ZDHHC3: variants seen among roughly 807,000 people sequenced by gnomAD.
ZDHHC3 encodes palmitoyltransferase ZDHHC3.
ZDHHC3 carries 9 observed loss-of-function variants against 30.6 expected under a neutral mutation model. The ratio of observed to expected loss-of-function variants is 0.29; its 90% confidence interval spans 0.18 to 0.51. The LOEUF is 0.51. Ranked by LOEUF, ZDHHC3 falls within the 20% of genes least tolerant of loss-of-function variation. The pLI, the probability that ZDHHC3 is intolerant of heterozygous loss-of-function variation, is 0.97. For synonymous variants in ZDHHC3, 136 were observed against 140.2 expected (o/e 0.97, Z 0.21); for missense variants, 246 against 384.2 (o/e 0.64, Z 3.01).
At position 44,919,824 on chromosome 3, in the gene ZDHHC3, G is replaced by GT. The variant is rs1462118336; in HGVS notation, c.*6864dup. On this transcript the variant is annotated 3_prime_UTR_variant, in exon 7 of 7. Coordinates refer to ENST00000424952, the MANE Select transcript of ZDHHC3 (RefSeq NM_001135179.2). ...TTTGTACTGTTTTTGTCACATTTTT[G>GT]TAAGTCTGATTTCACAAAAAGTTTA... is the stretch of plus-strand genomic sequence containing the variant. 1.0e-6 allele frequency: 1 copy of GT among 955,412 alleles called. No homozygotes were observed. Among genetic ancestry groups the GT allele is most frequent in the East Asian group, 1.2e-4 (1 of 8,670 alleles). The allele number at this position is 955,412 out of a possible 1,614,324, so 59.2% of individuals were successfully genotyped here. A position where few individuals can be genotyped will look rare whatever the true frequency, so the allele number is the denominator to read the frequency against.
intron 1 of ZDHHC3, among the ~76,000 whole-genome samples, chr3:44,965,974 T>A (rs772717057): frequency 2.0e-5 from 3 of 152,214 alleles, no homozygotes; most frequent in Non-Finnish European, 4.4e-5. Flanking sequence ...ACAGCACACA[T>A]CTTGAGACGG....
chr3:44,916,549 C>T lies in ZDHHC3; in HGVS notation c.*10140G>A. 1 of 152,484 alleles carries T rather than the reference C, an allele frequency of 6.6e-6. No homozygotes were observed. The highest frequency in any genetic ancestry group is 1.5e-5 in the Non-Finnish European group (1 of 68,146). The allele number at this position is 152,484 out of a possible 1,614,324, so 9.4% of individuals were successfully genotyped here. On this transcript the variant is annotated 3_prime_UTR_variant, in exon 7 of 7. Transcript: ENST00000424952. ...TGAGGTCTTGCAGGGGCATGCTCTG[C>T]TGAGTGCCTGTGCTCCTGCCAATCC...
At chr3:44,929,170 C>T in intron 6 of ZDHHC3, 136 bp downstream of exon 6, 1 of 1,199,124 alleles carries the variant, frequency 8.3e-7, no homozygotes, top group Non-Finnish European at 1.1e-6. Context: ...TAACTGCAAA[C>T]AAAGAACTGT....
chr3:44,929,277 G>A, intron 6 of ZDHHC3, 29 bp downstream of exon 6: 1 of 1,611,452 alleles, frequency 6.2e-7, no homozygotes, highest in Non-Finnish European at 8.5e-7. Context: ...CCCCAGGTGT[G>A]GAAATGGTGG....
rs1201387752 is a variant in ZDHHC3, at chr3:44,925,743, G to C, written c.*946C>G. Reference sequence around the variant, plus strand: ...AACTATCAGAAAGTGAATCCACTTTGAGGTTTATAAAATGAGAAGGGGATG... The same window carrying C: ...AACTATCAGAAAGTGAATCCACTTTCAGGTTTATAAAATGAGAAGGGGATG... On this transcript the variant is annotated 3_prime_UTR_variant, in exon 7 of 7. Coordinates refer to ENST00000424952, the MANE Select transcript of ZDHHC3 (RefSeq NM_001135179.2). 3.2e-5 allele frequency: 32 copies of C among 985,628 alleles called. No individual in the cohort carries two copies. The highest frequency in any genetic ancestry group is 3.6e-5 in the Non-Finnish European group (30 of 829,944). 61.1% of individuals were successfully genotyped at this position (985,628 alleles called of 1,614,324 possible). A position where few individuals can be genotyped will look rare whatever the true frequency, so the allele number is the denominator to read the frequency against.
chr3:44,975,633 A>C (rs1253990499), intron 1 of ZDHHC3: 1 of 152,110 alleles, frequency 6.6e-6, no homozygotes, highest in Non-Finnish European at 1.5e-5. Context: ...AGAACTACCT[A>C]GGGAGGGCTG....
At chr3:44,932,612 C>A (rs894614987) in intron 5 of ZDHHC3, among the ~76,000 whole-genome samples, 1 of 152,158 alleles carries the variant, frequency 6.6e-6, no homozygotes, top group Non-Finnish European at 1.5e-5. Flanking sequence ...GAATTATCTA[C>A]AATCTTAATG....
Position 44,959,092 on chromosome 3 carries a change from A to G in ZDHHC3, c.306+39T>C. 6.2e-7 allele frequency: 1 copy of G among 1,606,804 alleles called. No individual in the cohort carries two copies. Among genetic ancestry groups the G allele is most frequent in the Non-Finnish European group, 8.5e-7 (1 of 1,174,994 alleles). On this transcript the variant is annotated intron_variant, in intron 2 of 6. Transcript: ENST00000424952. This position sits in a 1 kb window ranked among gnomAD's most constrained non-coding sequence, Gnocchi z 4.3. ...GTGGCCATGCCAGAGCCAGAGGAGGAGAGTGTGGGCTGGTCAAAACAAGCC... is the reference window on the plus strand; with the variant it reads ...GTGGCCATGCCAGAGCCAGAGGAGGGGAGTGTGGGCTGGTCAAAACAAGCC...
intron 1 of ZDHHC3, among the ~76,000 whole-genome samples, chr3:44,972,947 A>G (rs1040066503): frequency 9.2e-5 from 14 of 152,326 alleles, no homozygotes; most frequent in African/African-American, 3.1e-4. Context: ...TACCAGATCT[A>G]TCAGCCATCT....
At position 44,917,851 on chromosome 3, in the gene ZDHHC3, T is replaced by C. The variant is rs1575740055; in HGVS notation, c.*8838A>G. On this transcript the variant is annotated 3_prime_UTR_variant, in exon 7 of 7. Coordinates refer to ENST00000424952, the MANE Select transcript of ZDHHC3 (RefSeq NM_001135179.2). ...TTTAGCCAAAACCCCAGGATGAAGG[T>C]TGACAGCACTTTTTAGTGTTTGCTT... 1 of 1,287,298 alleles carries C rather than the reference T, an allele frequency of 7.8e-7. No homozygotes were observed. Among genetic ancestry groups the C allele is most frequent in the Non-Finnish European group, 1.0e-6 (1 of 984,366 alleles). 79.7% of individuals were successfully genotyped at this position (1,287,298 alleles called of 1,614,324 possible).
At chr3:44,935,362 C>T (rs1052599304) in intron 3 of ZDHHC3, among the ~76,000 whole-genome samples, 2 of 152,280 alleles carry the variant, frequency 1.3e-5, no homozygotes, top group Admixed American at 6.5e-5. Flanking sequence ...TGCAACTTCC[C>T]GGGTTCCAGC....
In ZDHHC3 at chr3:44,918,202, A is replaced by G. The variant is rs2125773020; in HGVS notation, c.*8487T>C. On this transcript the variant is annotated 3_prime_UTR_variant, in exon 7 of 7. Coordinates refer to ENST00000424952, the MANE Select transcript of ZDHHC3 (RefSeq NM_001135179.2). ...CGTGGTGCTGGGCTGTACAGCTCAC[A>G]TAGACACCCCCAGCTATAGCATAGC... is the stretch of plus-strand genomic sequence containing the variant. 8.0e-7 allele frequency: 1 copy of G among 1,256,246 alleles called. No homozygotes were observed. The highest frequency in any genetic ancestry group is 5.8e-5 in the East Asian group (1 of 17,312). 77.8% of individuals were successfully genotyped at this position (1,256,246 alleles called of 1,614,324 possible).
chr3:44,925,615 A>T lies in ZDHHC3; in HGVS notation c.*1074T>A. The T allele has an allele frequency of 1.0e-6, 1 of 985,432 alleles. No homozygotes were observed. Among genetic ancestry groups the T allele is most frequent in the Non-Finnish European group, 1.2e-6 (1 of 829,940 alleles). 61.0% of individuals were successfully genotyped at this position (985,432 alleles called of 1,614,324 possible). ...ATATGTCAACTTTGAAAGGGTGGGG[A>T]CTGTGAGGTAACCCCAGCATCATGG... is the stretch of plus-strand genomic sequence containing the variant. On this transcript the variant is annotated 3_prime_UTR_variant, in exon 7 of 7. Transcript: ENST00000424952.
At chr3:44,942,002 GC>G (rs1199977580) in intron 3 of ZDHHC3, among the ~76,000 whole-genome samples, 3 of 152,212 alleles carry the variant, frequency 2.0e-5, no homozygotes, top group Non-Finnish European at 4.4e-5. Flanking sequence ...GGATGAAAGA[GC>G]GTGGGGTTTC....
At position 44,925,355 on chromosome 3, in the gene ZDHHC3, G is replaced by C; in HGVS notation, c.*1334C>G. 1 of 985,794 alleles carries C rather than the reference G, an allele frequency of 1.0e-6. No individual in the cohort carries two copies. Among genetic ancestry groups the C allele is most frequent in the Non-Finnish European group, 1.2e-6 (1 of 829,934 alleles). The allele number at this position is 985,794 out of a possible 1,614,324, so 61.1% of individuals were successfully genotyped here. On this transcript the variant is annotated 3_prime_UTR_variant, in exon 7 of 7. Coordinates refer to ENST00000424952, the MANE Select transcript of ZDHHC3 (RefSeq NM_001135179.2). ...ACCCCAAGCAAAAGCTAAAAAAGGGGGTTTCTGGCAATTGCTTAAAAAACA... is the reference window on the plus strand; with the variant it reads ...ACCCCAAGCAAAAGCTAAAAAAGGGCGTTTCTGGCAATTGCTTAAAAAACA...
chr3:44,922,543 G>A lies in ZDHHC3; in HGVS notation c.*4146C>T, dbSNP rs1274427989. On this transcript the variant is annotated 3_prime_UTR_variant, in exon 7 of 7. Transcript: ENST00000424952. The stretch of plus-strand genomic sequence containing the variant: ...AGTCTCAGTGGCTTCTCCGCGGAGG[G>A]AACACGTGCCTGTCTCACAATCAGC... 1.3e-5 allele frequency: 13 copies of A among 985,258 alleles called. No homozygotes were observed. Among genetic ancestry groups the A allele is most frequent in the Non-Finnish European group, 1.6e-5 (13 of 829,922 alleles). The allele number at this position is 985,258 out of a possible 1,614,324, so 61.0% of individuals were successfully genotyped here.
intron 2 of ZDHHC3, among the ~76,000 whole-genome samples, chr3:44,951,823 C>A (rs143529425): frequency 6.6e-6 from 1 of 152,214 alleles, no homozygotes; most frequent in Non-Finnish European, 1.5e-5. Flanking sequence ...AAAGTCAATT[C>A]TTAGCCCTTG....
chr3:44,919,483 A>C lies in ZDHHC3; in HGVS notation c.*7206T>G, dbSNP rs545974068. ...GTTACAAAACATTGTGAATGCATTA[A>C]ATGTACACTTTAAAATGGCTAATTT... is the stretch of plus-strand genomic sequence containing the variant. On this transcript the variant is annotated 3_prime_UTR_variant, in exon 7 of 7. Transcript: ENST00000424952. 6.6e-6 allele frequency: 1 copy of C among 152,500 alleles called. No individual in the cohort carries two copies. The highest frequency in any genetic ancestry group is 1.9e-4 in the East Asian group (1 of 5,192). 9.4% of individuals were successfully genotyped at this position (152,500 alleles called of 1,614,324 possible).
chr3:44,922,724 CTGG>C lies in ZDHHC3; in HGVS notation c.*3962_*3964del. 2.0e-6 allele frequency: 2 copies of C among 984,926 alleles called. No homozygotes were observed. The highest frequency in any genetic ancestry group is 4.7e-5 in the South Asian group (1 of 21,274). The allele number at this position is 984,926 out of a possible 1,614,324, so 61.0% of individuals were successfully genotyped here. A position where few individuals can be genotyped will look rare whatever the true frequency, so the allele number is the denominator to read the frequency against. On this transcript the variant is annotated 3_prime_UTR_variant, in exon 7 of 7. Transcript: ENST00000424952. ...TGGAGGGCTGTTAAGACACGGGCTG[CTGG>C]GCCCCGCTCGGTTTCTGGTTCGGTA...
Sources: allele counts gnomAD v4.1 joint callset (sites outside exome capture counted in the v4.1 genomes callset), GRCh38; gene constraint gnomAD v4.1.1; non-coding constraint Gnocchi (gnomAD v3.1); transcripts MANE v1.5; gene names NCBI Gene and HGNC (gene_info 2026-07-23, HGNC 2026-07-21).